USB1: variants seen among roughly 807,000 people sequenced by gnomAD.
USB1 encodes U6 snRNA biogenesis phosphodiesterase 1, also known as U6 snRNA phosphodiesterase 1.
Under a neutral mutation model 29.9 loss-of-function variants are expected in USB1, and 21 were observed. The ratio of observed to expected loss-of-function variants is 0.70; its 90% CI spans 0.50 to 1.01. USB1 has a LOEUF of 1.01. Among genes scored for constraint, USB1 ranks in the 50% least tolerant of loss-of-function variants. USB1 has a pLI of 0.00. For synonymous variants in USB1, 143 were observed against 134.9 expected (o/e 1.06, Z -0.42); for missense variants, 330 against 347.1 (o/e 0.95, Z 0.39).
At chr16:58,017,174 G>T in intron 4 of USB1, 160 bp from the exon 5 acceptor site, 1 of 696,032 alleles carries the variant, frequency 1.4e-6, no homozygotes. Flanking sequence ...TCTGAGGACT[G>T]AGAGAGTTGG....
chr16:58,013,016 A>G lies in USB1; in HGVS notation c.450-1257A>G, dbSNP rs1484178128. The G allele has an allele frequency of 2.0e-6, 2 of 985,594 alleles. No homozygotes were observed. Among genetic ancestry groups the G allele is most frequent in the Non-Finnish European group, 2.4e-6 (2 of 830,184 alleles). The allele number at this position is 985,594 out of a possible 1,614,324, so 61.1% of individuals were successfully genotyped here. A position where few individuals can be genotyped will look rare whatever the true frequency, so the allele number is the denominator to read the frequency against. ...CCCTGGGCTGGTTCCCTCTGAGGAA[A>G]GGATCTGTGTCATGAGTGAAGCCCG... On this transcript the variant is annotated intron_variant, in intron 3 of 6. Transcript: ENST00000219281. This position sits in a 1 kb window ranked among gnomAD's most constrained non-coding sequence, Gnocchi z 4.3.
chr16:58,010,972 T>C (rs1267828925), intron 3 of USB1: 1 of 701,098 alleles, frequency 1.4e-6, no homozygotes, highest in African/African-American at 1.7e-5. Context: ...GGGGTGGGGC[T>C]GAAAGTTCCC....
At position 58,001,564 on chromosome 16, in the gene USB1, G is replaced by T. The variant is rs1963193706; in HGVS notation, c.81G>T (p.Gly27=). 6.2e-7 allele frequency: 1 copy of T among 1,608,676 alleles called. No individual in the cohort carries two copies. Among genetic ancestry groups the T allele is most frequent in the South Asian group, 1.1e-5 (1 of 90,134 alleles). ...ESEDGMRTRP[G]DGSHRRGQSP... ...AGGACGGGATGCGGACCAGGCCGGG[G>T]GATGGGAGCCACCGTCGGTGAGGAG... Residue 27 remains glycine (G), a synonymous_variant, in exon 1 of 7, where the codon GGG becomes GGT. Transcript: ENST00000219281.
intron 2 of USB1, among the ~76,000 whole-genome samples, chr16:58,004,449 T>C (rs1392448573): frequency 2.0e-5 from 3 of 152,130 alleles, no homozygotes; most frequent in Admixed American, 1.3e-4. Context: ...TGGGGGCTTT[T>C]TTTGGTTTTT....
In USB1 at chr16:58,014,327, G is replaced by T. The variant is rs1246299084; in HGVS notation, c.503+1G>T. On this transcript the variant is annotated splice_donor_variant, in intron 4 of 6. Coordinates refer to ENST00000219281, the MANE Select transcript of USB1 (RefSeq NM_024598.4). LOFTEE classifies it high-confidence loss of function. Reference sequence around the variant, plus strand: ...TTTACACCAATCAAGAGAAAACCAGGTGGGTCCTCCCAACCCCCAATCACC... The same window carrying T: ...TTTACACCAATCAAGAGAAAACCAGTTGGGTCCTCCCAACCCCCAATCACC... 6.2e-7 allele frequency: 1 copy of T among 1,613,202 alleles called. No homozygotes were observed. Among genetic ancestry groups the T allele is most frequent in the African/African-American group, 1.3e-5 (1 of 74,882 alleles).
intron 5 of USB1, 66 bp from the exon 6 acceptor site, chr16:58,018,906 C>A: frequency 1.3e-6 from 2 of 1,503,550 alleles, no homozygotes; most frequent in Non-Finnish European, 1.8e-6. Context: ...CTGTCACAGA[C>A]CTGCTGTGAG....
chr16:58,011,017 G>T, intron 3 of USB1: 1 of 709,920 alleles, frequency 1.4e-6, no homozygotes, highest in Non-Finnish European at 2.5e-6. Flanking sequence ...TCTGTGATCA[G>T]CCCCCATCCA....
At chr16:58,005,279 G>C (rs1289352618) in intron 2 of USB1, among the ~76,000 whole-genome samples, 1 of 152,100 alleles carries the variant, frequency 6.6e-6, no homozygotes, top group East Asian at 1.9e-4. Context: ...TGGAGGAGCA[G>C]AGTCTTCTCT....
At chr16:58,020,025 C>T (rs1418513539) in intron 6 of USB1, 116 bp from the exon 7 acceptor site, 14 of 908,994 alleles carry the variant, frequency 1.5e-5, no homozygotes, top group Non-Finnish European at 1.8e-6. Context: ...AGCCTGGAGC[C>T]TGCAGCCTCA....
At chr16:58,010,186 G>T in intron 3 of USB1, 74 bp downstream of exon 3, 1 of 1,579,362 alleles carries the variant, frequency 6.3e-7, no homozygotes, top group Non-Finnish European at 8.7e-7. Flanking sequence ...GCTACTGCGG[G>T]CATTACCCCA....
Position 58,013,369 on chromosome 16 carries a change from CT to C in USB1, c.450-903del. Reference sequence around the variant, plus strand: ...ATTTTCTCCAGAGGCAGAGAGTTGGCTGACTGACTTTTGCCCTTGGGCAGAT... The same window carrying C: ...ATTTTCTCCAGAGGCAGAGAGTTGGCGACTGACTTTTGCCCTTGGGCAGAT... On this transcript the variant is annotated intron_variant, in intron 3 of 6. Transcript: ENST00000219281. The surrounding 1 kb of genome is among the most constrained non-coding windows in gnomAD (Gnocchi z 4.3). 1.0e-6 allele frequency: 1 copy of C among 985,474 alleles called. No individual in the cohort carries two copies. Among genetic ancestry groups the C allele is most frequent in the Non-Finnish European group, 1.2e-6 (1 of 829,984 alleles). 61.0% of individuals were successfully genotyped at this position (985,474 alleles called of 1,614,324 possible).
Position 58,012,751 on chromosome 16 carries a change from G to C in USB1, c.450-1522G>C, listed in dbSNP as rs1009755613. Reference sequence around the variant, plus strand: ...CTGGATGAAGGAGGAGAGCGGCTATGTTAGTGCTGATGACTGGCACACTGC... The same window carrying C: ...CTGGATGAAGGAGGAGAGCGGCTATCTTAGTGCTGATGACTGGCACACTGC... On this transcript the variant is annotated intron_variant, in intron 3 of 6. Transcript: ENST00000219281. The C allele has an allele frequency of 2.9e-6, 3 of 1,044,348 alleles. No homozygotes were observed. The Admixed American group carries it at 1.5e-4, about 53-fold the overall frequency. The allele number at this position is 1,044,348 out of a possible 1,614,324, so 64.7% of individuals were successfully genotyped here.
chr16:58,017,503 A>G (rs939720260), intron 5 of USB1, 64 bp downstream of exon 5: 2 of 1,492,520 alleles, frequency 1.3e-6, no homozygotes, highest in Non-Finnish European at 1.9e-6. Context: ...CTGTCTTTAA[A>G]GAAGCCCTCG....
chr16:58,008,453 C>CTTTTTTTTTTTTTT (rs56262437), intron 2 of USB1, among the ~76,000 whole-genome samples: 1 of 115,184 alleles, frequency 8.7e-6, no homozygotes, highest in African/African-American at 3.2e-5. Flanking sequence ...TTTTCTTTTT[C>CTTTTTTTTTTTTTT]TTTTTTTTTT....
At chr16:58,000,388 C>T (rs1200458772), upstream of USB1, 1 of 149,320 alleles carries the variant, frequency 6.7e-6, no homozygotes, top group Non-Finnish European at 1.5e-5. The surrounding 1 kb of genome is among the most constrained non-coding windows in gnomAD (Gnocchi z 4.5). Context: ...GCCCCGGGCG[C>T]CCCGCCGCTC....
At chr16:58,019,997 A>G in intron 6 of USB1, 144 bp from the exon 7 acceptor site, 1 of 751,622 alleles carries the variant, frequency 1.3e-6, no homozygotes, top group South Asian at 1.5e-5. Context: ...AAGTGATCAG[A>G]CAAGATCACC....
At position 58,002,702 on chromosome 16, in the gene USB1, G is replaced by A. The variant is rs538903474; in HGVS notation, c.265+57G>A. ...ACCCATAGACCCGTAGGTGCCTCAT[G>A]AAGGGCAGAATCTGGCCCCAACTAG... On this transcript the variant is annotated intron_variant, in intron 2 of 6. Transcript: ENST00000219281. The A allele has an allele frequency of 2.1e-5, 33 of 1,609,656 alleles. No individual in the cohort carries two copies. The African/African-American group carries it at 4.4e-4, about 21-fold the overall frequency.
At chr16:58,001,360 G>T (rs1399799032), upstream of USB1, 1 of 1,152,128 alleles carries the variant, frequency 8.7e-7, no homozygotes, top group African/African-American at 1.5e-5. Context: ...GCCCCTCCCG[G>T]CTCCGCCCCG....
At position 58,016,728 on chromosome 16, in the gene USB1, TC is replaced by T. The variant is rs549300826; in HGVS notation, c.504-603del. 1.2e-3 allele frequency: 204 copies of T among 174,350 alleles called. 1 individual carries two copies. The highest frequency in any genetic ancestry group is 4.5e-3 in the African/African-American group (188 of 42,060). 10.8% of individuals were successfully genotyped at this position (174,350 alleles called of 1,614,324 possible). On this transcript the variant is annotated intron_variant, in intron 4 of 6. Transcript: ENST00000219281. ...TGCGTACGAGGCGGACAGCGAAGTG[TC>T]CCTTGGATTTGGTAACGTGGAGGTT...
Sources: gnomAD v4.1 joint callset for allele counts (sites outside exome capture counted in the v4.1 genomes callset) on GRCh38, gnomAD v4.1.1 for gene constraint, Gnocchi (gnomAD v3.1) non-coding constraint, MANE v1.5 for transcripts, NCBI Gene and HGNC (gene_info 2026-07-23, HGNC 2026-07-21) for gene names.